The following TBCK variants were observed in gnomAD, a reference collection of about 807,000 sequenced individuals.
TBCK encodes the protein TBC1 domain containing kinase, also known as TBC domain-containing protein kinase-like protein.
Under a neutral mutation model 113.4 loss-of-function variants are expected in TBCK, and 99 were observed. The ratio of observed to expected loss-of-function variants is 0.87; its 90% CI spans 0.74 to 1.03. The LOEUF (loss-of-function observed/expected upper bound fraction) is 1.03. TBCK is among the 50% of genes least tolerant of loss of function. The pLI is 0.00. For missense variants in TBCK, 1,045 were observed against 1,061.3 expected (o/e 0.98, Z 0.21); for synonymous variants, 369 against 370.8 (o/e 1.00, Z 0.05).
chr4:106,206,627 A>G (rs1282428461), intron 20 of TBCK, among the ~76,000 whole-genome samples: 1 of 152,194 alleles, frequency 6.6e-6, no homozygotes, highest in Non-Finnish European at 1.5e-5. Context: ...CTGTAATTAC[A>G]TCTTGATAAA....
chr4:106,144,152 T>C (rs550382107), intron 23 of TBCK, among the ~76,000 whole-genome samples: 2 of 152,306 alleles, frequency 1.3e-5, no homozygotes, highest in East Asian at 1.9e-4. Context: ...AACAATCTAA[T>C]ACATTTTTTA....
In TBCK at chr4:106,095,507, C is replaced by G; in HGVS notation, c.2546G>C (p.Gly849Ala). 6.2e-7 allele frequency: 1 copy of G among 1,613,608 alleles called. No homozygotes were observed. Among genetic ancestry groups the G allele is most frequent in the South Asian group, 1.1e-5 (1 of 91,012 alleles). Residue 849 changes from glycine (G) to alanine (A), a missense_variant, in exon 25 of 26, where the codon GGG becomes GCG. Physicochemically the swap from Gly to Ala is moderately conservative, Grantham distance 60. Transcript: ENST00000394708. ...CTCAGCTGTGTGTTTTGCCACATGC[C>G]CCACGATGACAATGACCTTCCCTTT... The part of the protein sequence containing the change: ...NFKGKVIVIV[G>A]HVAKHTAEFA...
chr4:106,259,100 A>G (rs928455218), intron 5 of TBCK, among the ~76,000 whole-genome samples: 3 of 151,944 alleles, frequency 2.0e-5, no homozygotes, highest in African/African-American at 7.2e-5. Context: ...ACCAACAGGC[A>G]TAAGAGAAAT....
chr4:106,062,160 A>G (rs1301591917), intron 25 of TBCK, among the ~76,000 whole-genome samples: 1 of 151,876 alleles, frequency 6.6e-6, no homozygotes, highest in Non-Finnish European at 1.5e-5. Context: ...CTATAGATTT[A>G]TAGATTAGTG....
chr4:106,082,053 C>T (rs1037379371), intron 25 of TBCK, among the ~76,000 whole-genome samples: 17 of 152,176 alleles, frequency 1.1e-4, no homozygotes, highest in Admixed American at 1.0e-3. Context: ...GGAGATTTCT[C>T]AGAGAACTTA....
At chr4:106,080,620 T>C (rs960004593) in intron 25 of TBCK, among the ~76,000 whole-genome samples, 1 of 152,130 alleles carries the variant, frequency 6.6e-6, no homozygotes, top group African/African-American at 2.4e-5. Flanking sequence ...GGAAAGGATT[T>C]ATGACTAATT....
intron 25 of TBCK, among the ~76,000 whole-genome samples, chr4:106,052,927 T>C (rs1734965919): frequency 6.6e-6 from 1 of 151,752 alleles, no homozygotes; most frequent in Non-Finnish European, 1.5e-5. Flanking sequence ...TATCATTTCA[T>C]ACATAAACAT....
intron 23 of TBCK, among the ~76,000 whole-genome samples, chr4:106,126,102 C>T (rs1013192255): frequency 1.3e-5 from 2 of 152,138 alleles, no homozygotes; most frequent in Admixed American, 1.3e-4. Flanking sequence ...ACATGTTGTT[C>T]CTTCGCTTAG....
intron 23 of TBCK, among the ~76,000 whole-genome samples, chr4:106,152,545 C>CT (rs1748620716): frequency 6.6e-6 from 1 of 151,778 alleles, no homozygotes; most frequent in South Asian, 2.1e-4. Context: ...CTACAGTTTT[C>CT]TTTTTTTGAT....
At chr4:106,210,117 T>C (rs1299317081) in intron 20 of TBCK, among the ~76,000 whole-genome samples, 4 of 152,126 alleles carry the variant, frequency 2.6e-5, no homozygotes, top group African/African-American at 9.7e-5. Flanking sequence ...TCAAATATGT[T>C]TGTATAAAAA....
At chr4:106,166,103 TTTAATA>T (rs1475434037) in intron 23 of TBCK, among the ~76,000 whole-genome samples, 1 of 151,772 alleles carries the variant, frequency 6.6e-6, no homozygotes, top group Admixed American at 6.6e-5. Context: ...TTATGCTAAT[TTTAATA>T]AATATTCTTT....
chr4:106,064,739 C>A (rs1736431798), intron 25 of TBCK, among the ~76,000 whole-genome samples: 1 of 151,954 alleles, frequency 6.6e-6, no homozygotes, highest in South Asian at 2.1e-4. Context: ...AAGACATTTA[C>A]ACTTTTTCTT....
At position 106,228,544 on chromosome 4, in the gene TBCK, T is replaced by C. The variant is rs376508814; in HGVS notation, c.1774+1819A>G. Among the ~76,000 whole-genome samples the C allele has an allele frequency of 1.2e-4, 18 of 152,076 alleles. No homozygotes were observed. In the South Asian group the frequency reaches 3.7e-3, roughly 32 times the overall value. ...TTTCATTTAACATAATAACCTCCAG[T>C]TCCAACCATGTTGTTGAAAATGACG... is the stretch of plus-strand genomic sequence containing the variant. On this transcript the variant is annotated intron_variant, in intron 19 of 25. Coordinates refer to ENST00000394708, the MANE Select transcript of TBCK (RefSeq NM_001163435.3).
chr4:106,054,182 C>T (rs976134614), intron 25 of TBCK, among the ~76,000 whole-genome samples: 2 of 151,614 alleles, frequency 1.3e-5, no homozygotes, highest in African/African-American at 4.8e-5. Context: ...CTTACATGAT[C>T]TGCAAATCTG....
intron 23 of TBCK, among the ~76,000 whole-genome samples, chr4:106,155,376 A>T (rs1749004709): frequency 6.6e-6 from 1 of 152,062 alleles, no homozygotes; most frequent in Non-Finnish European, 1.5e-5. Flanking sequence ...ATCTTCTTGT[A>T]CTTGAATATT....
intron 25 of TBCK, among the ~76,000 whole-genome samples, chr4:106,072,019 G>C (rs532589187): frequency 1.3e-5 from 2 of 152,122 alleles, no homozygotes; most frequent in East Asian, 3.9e-4. Flanking sequence ...TCTCCTGAAT[G>C]CAGCAGTGAT....
At chr4:106,083,537 A>C (rs1480258591) in intron 25 of TBCK, among the ~76,000 whole-genome samples, 1 of 152,232 alleles carries the variant, frequency 6.6e-6, no homozygotes, top group African/African-American at 2.4e-5. Flanking sequence ...CAGGCAGCTC[A>C]GACGAGTGGG....
chr4:106,162,064 G>A (rs889905974), intron 23 of TBCK, among the ~76,000 whole-genome samples: 1 of 152,002 alleles, frequency 6.6e-6, no homozygotes, highest in East Asian at 1.9e-4. Flanking sequence ...AAAATCAAAA[G>A]CAAGTTAGTT....
chr4:106,223,599 G>T (rs1006474258), intron 19 of TBCK, among the ~76,000 whole-genome samples: 1 of 152,090 alleles, frequency 6.6e-6, no homozygotes, highest in Non-Finnish European at 1.5e-5. Context: ...GATTTAGAAA[G>T]ATATACAGGT....
Sources: allele counts gnomAD v4.1 joint callset (sites outside exome capture counted in the v4.1 genomes callset), GRCh38; gene constraint gnomAD v4.1.1; transcripts MANE v1.5; gene names NCBI Gene and HGNC (gene_info 2026-07-23, HGNC 2026-07-21).